Variants in NINJ2 observed in about 807,000 individuals in gnomAD.
NINJ2 encodes the protein ninjurin-2.
Under a neutral mutation model 11.7 loss-of-function variants are expected in NINJ2, and 12 were observed. The observed-to-expected ratio is 1.02, with a 90% confidence interval of 0.66 to 1.66. NINJ2 has a LOEUF of 1.66. Ranked by LOEUF, NINJ2 falls within the 40% of genes most tolerant of loss-of-function variation. NINJ2 has a pLI of 0.00. For missense variants in NINJ2, 187 were observed against 181.8 expected, an observed-to-expected ratio of 1.03 and a Z score of -0.16; for synonymous variants, 93 against 76.8, an observed-to-expected ratio of 1.21 and a Z score of -1.10.
At position 591,077 on chromosome 12, in the gene NINJ2, A is replaced by T. The variant is rs1354791324; in HGVS notation, c.34-24899T>A. The T allele has an allele frequency of 6.6e-6, 1 of 152,232 alleles. No individual in the cohort carries two copies. Among genetic ancestry groups the T allele is most frequent in the Non-Finnish European group, 1.5e-5 (1 of 68,062 alleles). 9.4% of individuals were successfully genotyped at this position (152,232 alleles called of 1,614,324 possible). ...AGAATCCAGGACACTAGCACTCACT[A>T]TCAAGGTTATAGGGAGGTGGCAGAG... On this transcript the variant is annotated intron_variant, in intron 1 of 3. Transcript: ENST00000305108. This position sits in a 1 kb window ranked among gnomAD's most constrained non-coding sequence, Gnocchi z 5.0.
intron 1 of NINJ2, among the ~76,000 whole-genome samples, chr12:620,788 C>T (rs906465434): frequency 1.3e-5 from 2 of 152,132 alleles, no homozygotes; most frequent in South Asian, 2.1e-4. Context: ...CGCCACAATG[C>T]CTGGCTAATT....
rs142287047 is a variant in NINJ2 at position 581,095 on chromosome 12, GTC to G, written c.34-14919_34-14918del. Among the ~76,000 whole-genome samples the G allele has an allele frequency of 4.4e-3, 652 of 149,062 alleles. 32 individuals carry two copies. In the East Asian group the frequency reaches 0.11, roughly 24 times the overall value. On this transcript the variant is annotated intron_variant, in intron 1 of 3. Transcript: ENST00000305108. The surrounding 1 kb of genome is among the most constrained non-coding windows in gnomAD (Gnocchi z 4.9). Reference sequence around the variant, plus strand: ...TGTGCCTCTGTGTGTGTGTGCATGTGTCTCTGTGTGTCTGTGTCTGTGTGTGC... The same window carrying G: ...TGTGCCTCTGTGTGTGTGTGCATGTGTCTGTGTGTCTGTGTCTGTGTGTGC...
Position 640,440 on chromosome 12 carries a change from G to A in NINJ2, c.33+22888C>T, listed in dbSNP as rs922844171. Reference sequence around the variant, plus strand: ...AGACCTCCCTTTCAATGACAGCAGGGCCTTTAGTCCCAACTACAGTCATTA... The same window carrying A: ...AGACCTCCCTTTCAATGACAGCAGGACCTTTAGTCCCAACTACAGTCATTA... On this transcript the variant is annotated intron_variant, in intron 1 of 3. Coordinates refer to ENST00000305108, the MANE Select transcript of NINJ2 (RefSeq NM_016533.6). The surrounding 1 kb of genome is among the most constrained non-coding windows in gnomAD (Gnocchi z 4.0). Among the ~76,000 whole-genome samples the A allele has an allele frequency of 2.0e-5, 3 of 152,156 alleles. No individual in the cohort carries two copies. Among genetic ancestry groups the A allele is most frequent in the Admixed American group, 2.0e-4 (3 of 15,268 alleles).
chr12:571,605 C>T (rs574640434), intron 1 of NINJ2, among the ~76,000 whole-genome samples: 1 of 152,264 alleles, frequency 6.6e-6, no homozygotes, highest in African/African-American at 2.4e-5. Context: ...AAGGCTGGTG[C>T]GATTCCATCC....
At chr12:619,936 G>T (rs1948133187) in intron 1 of NINJ2, among the ~76,000 whole-genome samples, 1 of 152,204 alleles carries the variant, frequency 6.6e-6, no homozygotes, top group South Asian at 2.1e-4. Context: ...AATGGTCAGG[G>T]TTATAGTGAG....
intron 1 of NINJ2, among the ~76,000 whole-genome samples, chr12:577,430 C>CATATATATATGTATATATAT (rs372597339): frequency 2.1e-5 from 2 of 93,996 alleles, no homozygotes; most frequent in East Asian, 4.8e-4. Flanking sequence ...TATATATATA[C>CATATATATATGTATATATAT]ATATATATAT....
intron 1 of NINJ2, among the ~76,000 whole-genome samples, chr12:629,638 A>G (rs1948247472): frequency 6.6e-6 from 1 of 151,822 alleles, no homozygotes; most frequent in Non-Finnish European, 1.5e-5. Context: ...CTGTAATCCC[A>G]GCACTTTGGG....
chr12:646,402 C>A (rs1037987950), intron 1 of NINJ2, among the ~76,000 whole-genome samples: 1 of 152,160 alleles, frequency 6.6e-6, no homozygotes, highest in Non-Finnish European at 1.5e-5. Context: ...AGCCCAGGAT[C>A]CCATTTACAG....
chr12:633,166 G>T lies in NINJ2; in HGVS notation c.33+30162C>A, dbSNP rs1948303260. Among the ~76,000 whole-genome samples the T allele has an allele frequency of 2.0e-5, 3 of 151,758 alleles. No individual in the cohort carries two copies. Among genetic ancestry groups the T allele is most frequent in the Admixed American group, 2.0e-4 (3 of 15,212 alleles). On this transcript the variant is annotated intron_variant, in intron 1 of 3. Transcript: ENST00000305108. The surrounding 1 kb of genome is among the most constrained non-coding windows in gnomAD (Gnocchi z 4.3). ...TCTAATCTATCTTGCATCCCTTCCT[G>T]AACCAACCTCCCTAAAACTGTGCCC...
At chr12:643,116 T>A (rs1347807638) in intron 1 of NINJ2, 1 of 153,944 alleles carries the variant, frequency 6.5e-6, no homozygotes, top group African/African-American at 2.4e-5. Context: ...CGCCTTCCCC[T>A]CGGGACCCGG....
At chr12:643,574 A>G (rs1937626982) in intron 1 of NINJ2, 1 of 987,988 alleles carries the variant, frequency 1.0e-6, no homozygotes, top group African/African-American at 1.7e-5. Flanking sequence ...AGGGCTGGAG[A>G]TGAGGAAACC....
At chr12:643,085 C>A (rs1363636428) in intron 1 of NINJ2, 1 of 153,686 alleles carries the variant, frequency 6.5e-6, no homozygotes, top group African/African-American at 2.4e-5. Flanking sequence ...AGCGCAGGAA[C>A]CTTCACCTCC....
At chr12:658,656 CTA>C (rs1937908279) in intron 1 of NINJ2, among the ~76,000 whole-genome samples, 3 of 1,726 alleles carry the variant, frequency 1.7e-3, no homozygotes, top group Non-Finnish European at 0.017. Context: ...TTATGCTATG[CTA>C]TGCTATGCTA....
chr12:629,896 A>AAAAAAAAAAATATATAT, intron 1 of NINJ2, among the ~76,000 whole-genome samples: 6 of 9,902 alleles, frequency 6.1e-4, no homozygotes, highest in Non-Finnish European at 2.4e-3. Flanking sequence ...AAAAAAAAAA[A>AAAAAAAAAAATATATAT]ATATATATAT....
intron 1 of NINJ2, among the ~76,000 whole-genome samples, chr12:653,541 G>T (rs566497636): frequency 6.6e-6 from 1 of 152,240 alleles, no homozygotes; most frequent in East Asian, 1.9e-4. Context: ...AAATGGTATA[G>T]TGTTATTTGA....
intron 1 of NINJ2, among the ~76,000 whole-genome samples, chr12:607,187 T>C (rs1054932731): frequency 1.3e-5 from 2 of 152,148 alleles, no homozygotes; most frequent in African/African-American, 4.8e-5. Flanking sequence ...CTCCCCCAGA[T>C]CTACTCAACC....
At chr12:610,784 A>T (rs996367372) in intron 1 of NINJ2, 1 of 250,878 alleles carries the variant, frequency 4.0e-6, no homozygotes, top group African/African-American at 2.9e-5. Context: ...CCCAGGCTGG[A>T]GTGCAATGGT....
At chr12:596,473 A>T (rs889546385) in intron 1 of NINJ2, among the ~76,000 whole-genome samples, 1 of 152,124 alleles carries the variant, frequency 6.6e-6, no homozygotes, top group African/African-American at 2.4e-5. Flanking sequence ...TAGGGACAGG[A>T]GGCATATGGG....
At chr12:649,052 T>C (rs1937743289) in intron 1 of NINJ2, among the ~76,000 whole-genome samples, 1 of 145,146 alleles carries the variant, frequency 6.9e-6, no homozygotes, top group South Asian at 2.2e-4. Flanking sequence ...ATTTTATCTT[T>C]TTCTTTTTTT....
Sources: gnomAD v4.1 joint callset for allele counts (sites outside exome capture counted in the v4.1 genomes callset) on GRCh38, gnomAD v4.1.1 for gene constraint, Gnocchi (gnomAD v3.1) non-coding constraint, MANE v1.5 for transcripts, NCBI Gene and HGNC (gene_info 2026-07-23, HGNC 2026-07-21) for gene names.